Variants in SMIM23 observed in about 807,000 individuals in gnomAD.
SMIM23 encodes CTB-78H18.1.
SMIM23 carries 10 observed loss-of-function variants against 12.8 expected under a neutral mutation model. The ratio of observed to expected loss-of-function variants is 0.78; its 90% CI spans 0.48 to 1.32. The LOEUF is 1.32. Ranked by LOEUF, SMIM23 falls within the 40% of genes most tolerant of loss-of-function variation. SMIM23 has a pLI of 0.00. For missense variants in SMIM23, 184 were observed against 198.2 expected (o/e 0.93, Z 0.43); for synonymous variants, 78 against 80.1 (o/e 0.97, Z 0.14).
intron 1 of SMIM23, among the ~76,000 whole-genome samples, chr5:171,786,629 G>C (rs1166568271): frequency 6.6e-6 from 1 of 152,204 alleles, no homozygotes; most frequent in African/African-American, 2.4e-5. Flanking sequence ...TTTAAGCAGA[G>C]CAATGAATGA....
rs1561592400 is a variant in SMIM23 at position 171,790,559 on chromosome 5, C to A, written c.225+10C>A. 1 of 1,536,288 alleles carries A rather than the reference C, an allele frequency of 6.5e-7. No homozygotes were observed. On this transcript the variant is annotated intron_variant, in intron 3 of 3. Transcript: ENST00000523047. ...TCTTGCAGTTCCCCAGGTAACATGTCCAGCAAGGTACTGAGGTGAGGCAAT... is the reference window on the plus strand; with the variant it reads ...TCTTGCAGTTCCCCAGGTAACATGTACAGCAAGGTACTGAGGTGAGGCAAT...
upstream of SMIM23, among the ~76,000 whole-genome samples, chr5:171,777,760 A>G (rs149459590): frequency 1.1e-3 from 162 of 152,226 alleles, no homozygotes; most frequent in African/African-American, 3.9e-3. Flanking sequence ...AGGAGGGGAG[A>G]GCGGCAACAC....
At chr5:171,784,747 T>G (rs1755784851), upstream of SMIM23, among the ~76,000 whole-genome samples, 1 of 152,172 alleles carries the variant, frequency 6.6e-6, no homozygotes. Flanking sequence ...CATATCACCT[T>G]TACTCGCAAG....
chr5:171,781,799 G>A (rs1422814704), upstream of SMIM23, among the ~76,000 whole-genome samples: 1 of 152,182 alleles, frequency 6.6e-6, no homozygotes, highest in East Asian at 1.9e-4. Context: ...GTCGAGTGGG[G>A]ACTTCCAGAA....
chr5:171,782,068 G>T (rs1381057436), upstream of SMIM23, among the ~76,000 whole-genome samples: 1 of 152,214 alleles, frequency 6.6e-6, no homozygotes, highest in African/African-American at 2.4e-5. Context: ...CTAGGTTGTG[G>T]AAGCTTTGTT....
At chr5:171,781,646 A>C (rs960435014), upstream of SMIM23, among the ~76,000 whole-genome samples, 2 of 152,094 alleles carry the variant, frequency 1.3e-5, no homozygotes, top group Non-Finnish European at 2.9e-5. Context: ...TATTTATCCC[A>C]GACAACGTAG....
chr5:171,783,457 A>G (rs1755760613), upstream of SMIM23, among the ~76,000 whole-genome samples: 1 of 152,242 alleles, frequency 6.6e-6, no homozygotes, highest in Non-Finnish European at 1.5e-5. Flanking sequence ...AGATACATAG[A>G]TCAATGAAAC....
chr5:171,774,564 T>C, the SMIM23 span: 2 of 456,042 alleles, frequency 4.4e-6, no homozygotes, highest in Non-Finnish European at 8.8e-6. Flanking sequence ...GGGTTTATCT[T>C]GCGTAGGCCC....
rs934135419 is a variant in SMIM23, at chr5:171,790,287, C to A, written c.157+6C>A. On this transcript the variant is annotated splice_donor_region_variant and intron_variant, in intron 2 of 3. Coordinates refer to ENST00000523047, the MANE Select transcript of SMIM23 (RefSeq NM_001289970.2). ...CTTGAGCACAGAGATATGGGGTGAG[C>A]ATTCTGGAATCTGAGAAAGAAGGAA... is the stretch of plus-strand genomic sequence containing the variant. 4 of 1,535,872 alleles carry A rather than the reference C, an allele frequency of 2.6e-6. No homozygotes were observed. The African/African-American group carries it at 5.5e-5, about 21-fold the overall frequency.
chr5:171,779,100 G>A (rs569047841), upstream of SMIM23, among the ~76,000 whole-genome samples: 42 of 152,328 alleles, frequency 2.8e-4, no homozygotes, highest in African/African-American at 9.4e-4. Flanking sequence ...CAATAAGAGA[G>A]TTCACAAATT....
At chr5:171,772,859 G>C in the SMIM23 span, among the ~76,000 whole-genome samples, 1 of 152,164 alleles carries the variant, frequency 6.6e-6, no homozygotes, top group Admixed American at 6.5e-5. Context: ...CAGACAAGTG[G>C]TTTTCTCAGA....
chr5:171,785,078 C>A (rs914406648), upstream of SMIM23, among the ~76,000 whole-genome samples: 4 of 152,092 alleles, frequency 2.6e-5, no homozygotes, highest in African/African-American at 9.7e-5. Context: ...CAGCACAAAG[C>A]CCCTTGTAGT....
intron 1 of SMIM23, among the ~76,000 whole-genome samples, chr5:171,786,759 C>G (rs1218485196): frequency 6.6e-6 from 1 of 152,182 alleles, no homozygotes; most frequent in East Asian, 1.9e-4. Context: ...CATGGGCACC[C>G]ATCATGCTGC....
chr5:171,783,168 T>C (rs532047105), upstream of SMIM23, among the ~76,000 whole-genome samples: 7 of 152,300 alleles, frequency 4.6e-5, no homozygotes, highest in Admixed American at 6.5e-5. Context: ...ACGGAAGACC[T>C]AAATAAATGA....
chr5:171,790,507 G>T lies in SMIM23; in HGVS notation c.183G>T (p.Arg61Ser). The change falls in exon 3 of 4, where the codon AGG becomes AGT. Residue 61 changes from arginine to serine, a missense_variant. Transcript: ENST00000523047. ...GAAGCAGTTGGGAGGTGTCAGAAAG[G>T]ATCAGAGAATGTAACTACTACCAGA... The part of the protein sequence containing the change: ...IWGSSWEVSE[R>S]IRECNYYQNL... 2 of 1,536,774 alleles carry T rather than the reference G, an allele frequency of 1.3e-6. No individual in the cohort carries two copies. The highest frequency in any genetic ancestry group is 1.7e-6 in the Non-Finnish European group (2 of 1,147,050).
At chr5:171,775,784 A>C in the SMIM23 span, among the ~76,000 whole-genome samples, 1 of 152,238 alleles carries the variant, frequency 6.6e-6, no homozygotes. Flanking sequence ...CAAGAAAAGG[A>C]AGCCCACGTT....
upstream of SMIM23, among the ~76,000 whole-genome samples, chr5:171,777,626 G>C (rs1351273015): frequency 6.6e-6 from 1 of 152,254 alleles, no homozygotes; most frequent in African/African-American, 2.4e-5. Flanking sequence ...CTCAGTGGCA[G>C]GTGCTGCGCT....
At chr5:171,786,905 C>T (rs1304513714) in intron 1 of SMIM23, among the ~76,000 whole-genome samples, 4 of 151,438 alleles carry the variant, frequency 2.6e-5, no homozygotes, top group Non-Finnish European at 4.4e-5. Flanking sequence ...TGCTCATTCA[C>T]GTAAGGAAGG....
upstream of SMIM23, among the ~76,000 whole-genome samples, chr5:171,778,925 T>C (rs1421013335): frequency 1.3e-5 from 2 of 152,266 alleles, no homozygotes; most frequent in South Asian, 2.1e-4. Context: ...AGTTTCAGCC[T>C]TCCCATCAAA....
Sources: gnomAD v4.1 joint callset for allele counts (sites outside exome capture counted in the v4.1 genomes callset) on GRCh38, gnomAD v4.1.1 for gene constraint, MANE v1.5 for transcripts, NCBI Gene and HGNC (gene_info 2026-07-23, HGNC 2026-07-21) for gene names.